The following CAMKMT variants were observed in gnomAD, a reference collection of about 807,000 sequenced individuals.
The protein encoded by CAMKMT is calmodulin-lysine N-methyltransferase.
CAMKMT carries 53 observed loss-of-function variants against 48.0 expected under a neutral mutation model. That is an observed-to-expected ratio of 1.10 (90% CI 0.89 to 1.39). CAMKMT has a LOEUF of 1.39. CAMKMT is among the 40% of genes most tolerant of loss of function. The pLI, the probability that CAMKMT is intolerant of heterozygous loss-of-function variation, is 0.00. For missense variants in CAMKMT, 428 were observed against 402.7 expected (o/e 1.06, Z -0.54); for synonymous variants, 165 against 152.3 (o/e 1.08, Z -0.61).
chr2:44,740,734 C>T (rs73924538), intron 7 of CAMKMT, among the ~76,000 whole-genome samples: 3,343 of 152,014 alleles, frequency 0.022, 99 homozygotes, highest in African/African-American at 0.077. Flanking sequence ...TTAACAAATA[C>T]GAGGAAGTAA....
At chr2:44,624,120 C>T (rs1672345167) in intron 3 of CAMKMT, among the ~76,000 whole-genome samples, 2 of 152,076 alleles carry the variant, frequency 1.3e-5, no homozygotes, top group South Asian at 4.1e-4. Context: ...ACACCATCAG[C>T]AGAGTAAGCA....
chr2:44,617,129 A>G (rs1671936795), intron 3 of CAMKMT, among the ~76,000 whole-genome samples: 1 of 152,188 alleles, frequency 6.6e-6, no homozygotes, highest in African/African-American at 2.4e-5. Context: ...CACACAAGAG[A>G]CTGATATACA....
intron 10 of CAMKMT, among the ~76,000 whole-genome samples, chr2:44,770,514 A>G (rs2104412302): frequency 6.6e-6 from 1 of 152,400 alleles, no homozygotes; most frequent in South Asian, 2.1e-4. Context: ...GTGAGTGAGT[A>G]GGTCAGCTGA....
At chr2:44,695,954 A>G (rs1210855147) in intron 3 of CAMKMT, among the ~76,000 whole-genome samples, 2 of 151,606 alleles carry the variant, frequency 1.3e-5, no homozygotes, top group Non-Finnish European at 2.9e-5. Flanking sequence ...ATTTTATTTT[A>G]TTTTTTGAGA....
intron 1 of CAMKMT, among the ~76,000 whole-genome samples, chr2:44,364,419 A>G (rs1572628066): frequency 6.6e-6 from 1 of 151,990 alleles, no homozygotes; most frequent in South Asian, 2.1e-4. Context: ...CCCTCAGCCA[A>G]CTCTACCAAT....
chr2:44,589,232 T>G (rs1434228596), intron 3 of CAMKMT, among the ~76,000 whole-genome samples: 1 of 27,222 alleles, frequency 3.7e-5, no homozygotes, highest in Non-Finnish European at 7.6e-5. Flanking sequence ...CCCCTCTGCC[T>G]GGCCAGCCGC....
chr2:44,434,169 A>G lies in CAMKMT; in HGVS notation c.376+43864A>G, dbSNP rs116999121. 5.9e-5 allele frequency among the ~76,000 whole-genome samples: 9 copies of G among 152,006 alleles called. No homozygotes were observed. In the East Asian group the frequency reaches 1.7e-3, roughly 29 times the overall value. ...TTGCAGTGCCGTCTTCATTATGTGT[A>G]TGCTGAATGAAAAGAAACCAAGTAT... On this transcript the variant is annotated intron_variant, in intron 3 of 10. Coordinates refer to ENST00000378494, the MANE Select transcript of CAMKMT (RefSeq NM_024766.5).
chr2:44,664,351 T>G (rs1387395417), intron 3 of CAMKMT, among the ~76,000 whole-genome samples: 1 of 152,208 alleles, frequency 6.6e-6, no homozygotes. Flanking sequence ...GAACAAACGT[T>G]AGAAATTTAA....
chr2:44,562,687 A>C (rs767068931), intron 3 of CAMKMT, among the ~76,000 whole-genome samples: 1 of 152,160 alleles, frequency 6.6e-6, no homozygotes, highest in Non-Finnish European at 1.5e-5. Context: ...CAGCCTCCCG[A>C]GTAGCTAGGA....
chr2:44,481,601 C>T (rs1343380369), intron 3 of CAMKMT, among the ~76,000 whole-genome samples: 5 of 151,776 alleles, frequency 3.3e-5, no homozygotes, highest in Admixed American at 6.6e-5. Context: ...TCACTTTGTT[C>T]TAATTTGTAA....
At chr2:44,465,479 C>T (rs1309006669) in intron 3 of CAMKMT, among the ~76,000 whole-genome samples, 1 of 151,204 alleles carries the variant, frequency 6.6e-6, no homozygotes, top group Non-Finnish European at 1.5e-5. Context: ...GCCTGTACTC[C>T]CAGCTACTCG....
intron 3 of CAMKMT, among the ~76,000 whole-genome samples, chr2:44,560,201 A>C (rs1432451485): frequency 6.6e-6 from 1 of 152,192 alleles, no homozygotes; most frequent in Non-Finnish European, 1.5e-5. Context: ...AGTTTTTCTT[A>C]GTCTTGTCCA....
intron 3 of CAMKMT, among the ~76,000 whole-genome samples, chr2:44,552,041 G>A (rs1354905813): frequency 6.6e-6 from 1 of 151,972 alleles, no homozygotes; most frequent in Non-Finnish European, 1.5e-5. Flanking sequence ...TTGTTACATG[G>A]ACATATTGTG....
At chr2:44,752,882 T>C (rs1309041878) in intron 8 of CAMKMT, among the ~76,000 whole-genome samples, 1 of 152,124 alleles carries the variant, frequency 6.6e-6, no homozygotes, top group Non-Finnish European at 1.5e-5. Flanking sequence ...GGGGGAAACA[T>C]TCAGACCATA....
intron 3 of CAMKMT, among the ~76,000 whole-genome samples, chr2:44,500,815 G>A (rs1005274809): frequency 4.6e-5 from 7 of 151,540 alleles, no homozygotes; most frequent in African/African-American, 1.7e-4. Context: ...CTGAGTAGCT[G>A]GGATTATAGG....
chr2:44,367,339 G>A (rs527640020), intron 1 of CAMKMT, among the ~76,000 whole-genome samples: 51 of 152,270 alleles, frequency 3.3e-4, no homozygotes, highest in African/African-American at 1.2e-3. Flanking sequence ...CCGACATGTT[G>A]CCACGAATGG....
intron 3 of CAMKMT, among the ~76,000 whole-genome samples, chr2:44,616,747 T>G (rs916693854): frequency 2.6e-5 from 4 of 152,186 alleles, no homozygotes; most frequent in African/African-American, 9.7e-5. Flanking sequence ...CTTTCTGAAC[T>G]TTATGTGTTG....
At chr2:44,591,002 A>C (rs12617347) in intron 3 of CAMKMT, among the ~76,000 whole-genome samples, 93,668 of 151,624 alleles carry the variant, frequency 0.62, 29,460 homozygotes, top group Middle Eastern at 0.7. Flanking sequence ...ACCATTTATT[A>C]AATAGGGAGT....
intron 3 of CAMKMT, among the ~76,000 whole-genome samples, chr2:44,675,177 C>A (rs1368481459): frequency 6.6e-6 from 1 of 152,052 alleles, no homozygotes; most frequent in Non-Finnish European, 1.5e-5. Flanking sequence ...TCCTCTGTAT[C>A]CCCTAACCTC....
Sources: allele counts gnomAD v4.1 joint callset (sites outside exome capture counted in the v4.1 genomes callset), GRCh38; gene constraint gnomAD v4.1.1; transcripts MANE v1.5; gene names NCBI Gene and HGNC (gene_info 2026-07-23, HGNC 2026-07-21).